The following CEP112 variants were observed in gnomAD, a reference collection of about 807,000 sequenced individuals.
CEP112 encodes centrosomal protein of 112 kDa.
Under a neutral mutation model 153.0 loss-of-function variants are expected in CEP112, and 127 were observed. The ratio of observed to expected loss-of-function variants is 0.83; its 90% CI spans 0.72 to 0.96. The LOEUF (loss-of-function observed/expected upper bound fraction) is 0.96. Among genes scored for constraint, CEP112 ranks in the 40% least tolerant of loss-of-function variants. The pLI, the probability that CEP112 is intolerant of heterozygous loss-of-function variation, is 0.00. For synonymous variants in CEP112, 358 were observed against 374.4 expected (o/e 0.96, Z 0.51); for missense variants, 1,089 against 1,101.2 (o/e 0.99, Z 0.16).
At chr17:65,853,874 C>G (rs2058046236) in intron 20 of CEP112, among the ~76,000 whole-genome samples, 1 of 152,096 alleles carries the variant, frequency 6.6e-6, no homozygotes, top group African/African-American at 2.4e-5. Flanking sequence ...AGTCTATCTC[C>G]CATTAATTCT....
At chr17:65,810,440 C>T (rs935890202) in intron 21 of CEP112, among the ~76,000 whole-genome samples, 1 of 152,228 alleles carries the variant, frequency 6.6e-6, no homozygotes, top group East Asian at 1.9e-4. Context: ...CCTGTCTCCT[C>T]TAGCCATCGG....
intron 6 of CEP112, among the ~76,000 whole-genome samples, chr17:66,120,839 T>A (rs139844203): frequency 5.4e-4 from 72 of 134,408 alleles, no homozygotes; most frequent in Non-Finnish European, 8.6e-4. Context: ...ATTGCTTGTG[T>A]TCAATTTCAT....
At chr17:65,862,989 A>ATATTC (rs1168649033) in intron 20 of CEP112, among the ~76,000 whole-genome samples, 5 of 152,236 alleles carry the variant, frequency 3.3e-5, no homozygotes, top group African/African-American at 1.2e-4. Flanking sequence ...AAAAAATAAT[A>ATATTC]TATTCTCTTC....
At chr17:65,785,629 G>A (rs1176763615) in intron 21 of CEP112, among the ~76,000 whole-genome samples, 1 of 152,090 alleles carries the variant, frequency 6.6e-6, no homozygotes, top group Non-Finnish European at 1.5e-5. Context: ...TTTTGATGAA[G>A]TTCAGTTTAT....
intron 21 of CEP112, among the ~76,000 whole-genome samples, chr17:65,844,214 A>T (rs531979598): frequency 6.6e-6 from 1 of 152,348 alleles, no homozygotes; most frequent in East Asian, 1.9e-4. Context: ...ACTACTAATA[A>T]ATCTACAGAC....
intron 12 of CEP112, among the ~76,000 whole-genome samples, chr17:66,036,483 T>C (rs1186895712): frequency 6.6e-6 from 1 of 152,152 alleles, no homozygotes; most frequent in East Asian, 1.9e-4. Context: ...CACCGACGTA[T>C]TTTGATGATG....
intron 12 of CEP112, among the ~76,000 whole-genome samples, chr17:66,042,557 G>C (rs2066030155): frequency 6.6e-6 from 1 of 151,858 alleles, no homozygotes; most frequent in Non-Finnish European, 1.5e-5. Context: ...AAAAAACAGG[G>C]ACAGTCTGAG....
chr17:65,677,583 C>T (rs1162443250), intron 24 of CEP112, among the ~76,000 whole-genome samples: 3 of 152,116 alleles, frequency 2.0e-5, no homozygotes, highest in East Asian at 1.9e-4. Context: ...TTCCTTGTTT[C>T]TAGTTTAAAC....
At chr17:65,682,282 G>A (rs546461565) in intron 24 of CEP112, among the ~76,000 whole-genome samples, 121 of 152,044 alleles carry the variant, frequency 8.0e-4, no homozygotes, top group Non-Finnish European at 1.5e-3. Context: ...ATGAGCCACC[G>A]CGCCCAGCCT....
intron 5 of CEP112, 83 bp from the exon 6 acceptor site, chr17:66,129,906 G>T: frequency 2.5e-6 from 2 of 808,628 alleles, no homozygotes; most frequent in East Asian, 2.8e-5. Flanking sequence ...GATAAAAGAG[G>T]AAAAGATAGA....
At chr17:66,019,207 G>A (rs2064894646) in intron 16 of CEP112, among the ~76,000 whole-genome samples, 1 of 152,106 alleles carries the variant, frequency 6.6e-6, no homozygotes, top group Admixed American at 6.5e-5. Context: ...CTCATAGGCA[G>A]GATAAAATAA....
chr17:65,890,012 C>T (rs28692792), intron 20 of CEP112, among the ~76,000 whole-genome samples: 2,547 of 151,992 alleles, frequency 0.017, 80 homozygotes, highest in African/African-American at 0.058. Flanking sequence ...ATACAGTGCG[C>T]GTATATATAT....
At position 65,970,536 on chromosome 17, in the gene CEP112, CATGA is replaced by C. The variant is rs530493833; in HGVS notation, c.1737-8942_1737-8939del. On this transcript the variant is annotated intron_variant, in intron 17 of 26. Coordinates refer to ENST00000535342, the MANE Select transcript of CEP112 (RefSeq NM_001199165.4). ...ATGCATATTAAATACATGTATAACA[CATGA>C]ATATTACATGAAAGTTACCTACATC... Among the ~76,000 whole-genome samples, 412 of 151,856 alleles carry C rather than the reference CATGA, an allele frequency of 2.7e-3. 64 individuals are homozygous for C. Among genetic ancestry groups the C allele is most frequent in the African/African-American group, 9.2e-3 (379 of 41,374 alleles).
At chr17:65,709,384 G>A (rs2049065552) in intron 23 of CEP112, among the ~76,000 whole-genome samples, 1 of 152,138 alleles carries the variant, frequency 6.6e-6, no homozygotes, top group Non-Finnish European at 1.5e-5. Context: ...CACATGGCTG[G>A]GGCAGCCTCA....
chr17:66,191,928 C>G lies in CEP112; in HGVS notation c.-9+69G>C, dbSNP rs947931631. On this transcript the variant is annotated intron_variant, in intron 1 of 26. Transcript: ENST00000535342. The surrounding 1 kb of genome is among the most constrained non-coding windows in gnomAD (Gnocchi z 4.2). ...CCCGCAAGGGCGGGGCGGCAGCCAC[C>G]GGCGCAAAATTCCACTCAAGAACCT... 6.6e-6 allele frequency: 1 copy of G among 152,466 alleles called. No homozygotes were observed. The highest frequency in any genetic ancestry group is 1.5e-5 in the Non-Finnish European group (1 of 68,098). 9.4% of individuals were successfully genotyped at this position (152,466 alleles called of 1,614,324 possible).
chr17:66,114,038 C>G (rs1001001401), intron 6 of CEP112, among the ~76,000 whole-genome samples: 1 of 151,968 alleles, frequency 6.6e-6, no homozygotes, highest in African/African-American at 2.4e-5. Context: ...CAATAAATGT[C>G]CAAAATGGAA....
intron 17 of CEP112, among the ~76,000 whole-genome samples, chr17:65,991,877 G>A (rs957312931): frequency 6.6e-5 from 10 of 151,904 alleles, no homozygotes; most frequent in African/African-American, 2.4e-4. Flanking sequence ...ATACTATTCA[G>A]TTATACTTTA....
chr17:66,169,048 G>A (rs187839275), intron 4 of CEP112, among the ~76,000 whole-genome samples: 2 of 152,126 alleles, frequency 1.3e-5, no homozygotes, highest in Admixed American at 6.5e-5. Context: ...AACAAACCCT[G>A]GGTGCATTTT....
intron 17 of CEP112, among the ~76,000 whole-genome samples, chr17:65,983,427 T>A (rs201972545): frequency 1.3e-5 from 2 of 152,154 alleles, no homozygotes; most frequent in Non-Finnish European, 1.5e-5. Flanking sequence ...CCTCCAAATA[T>A]CATGTTGAAA....
Sources: gnomAD v4.1 joint callset for allele counts (sites outside exome capture counted in the v4.1 genomes callset) on GRCh38, gnomAD v4.1.1 for gene constraint, Gnocchi (gnomAD v3.1) non-coding constraint, MANE v1.5 for transcripts, NCBI Gene and HGNC (gene_info 2026-07-23, HGNC 2026-07-21) for gene names.